Variants in COLEC12 observed in about 807,000 individuals in gnomAD.
COLEC12 encodes collectin subfamily member 12.
Under a neutral mutation model 71.1 loss-of-function variants are expected in COLEC12, and 33 were observed. The ratio of observed to expected loss-of-function variants is 0.46; its 90% confidence interval spans 0.35 to 0.62. COLEC12 has a LOEUF of 0.62. Among genes scored for constraint, COLEC12 ranks in the 20% least tolerant of loss-of-function variants. COLEC12 has a pLI of 0.00. For missense variants in COLEC12, 765 were observed against 916.1 expected, an observed-to-expected ratio of 0.84 and a Z score of 2.13; for synonymous variants, 350 against 353.0, an observed-to-expected ratio of 0.99 and a Z score of 0.10.
At chr18:378,566 C>T (rs1345988610) in intron 2 of COLEC12, among the ~76,000 whole-genome samples, 2 of 152,146 alleles carry the variant, frequency 1.3e-5, no homozygotes, top group Non-Finnish European at 2.9e-5. Context: ...ACCCAATTCT[C>T]GACCTCCAGG....
intron 5 of COLEC12, among the ~76,000 whole-genome samples, chr18:342,285 CA>C (rs1000160716): frequency 1.1e-4 from 17 of 152,200 alleles, no homozygotes; most frequent in East Asian, 5.8e-4. Flanking sequence ...TGCAAACTCC[CA>C]AAAAATAAGG....
chr18:372,776 T>C (rs1024949176), intron 2 of COLEC12, among the ~76,000 whole-genome samples: 1 of 152,178 alleles, frequency 6.6e-6, no homozygotes, highest in African/African-American at 2.4e-5. Context: ...GAACATTTAG[T>C]AATTCAAGGG....
Position 319,786 on chromosome 18 carries a change from C to T in COLEC12, c.*259G>A, listed in dbSNP as rs1054931857. The T allele has an allele frequency of 2.0e-5, 10 of 493,500 alleles. No individual in the cohort carries two copies. The highest frequency in any genetic ancestry group is 8.2e-5 in the African/African-American group (4 of 48,998). The allele number at this position is 493,500 out of a possible 1,614,324, so 30.6% of individuals were successfully genotyped here. On this transcript the variant is annotated 3_prime_UTR_variant, in exon 10 of 10. Transcript: ENST00000400256. ...GGAAGACATAATTTGTATAATCGCA[C>T]GGTTACTGACGGAGGAGAATCTATG...
chr18:362,169 G>A lies in COLEC12; in HGVS notation c.59-4647C>T, dbSNP rs1914758852. Among the ~76,000 whole-genome samples, 1 of 152,158 alleles carries A rather than the reference G, an allele frequency of 6.6e-6. No individual in the cohort carries two copies. The highest frequency in any genetic ancestry group is 1.9e-4 in the East Asian group (1 of 5,176). On this transcript the variant is annotated intron_variant, in intron 2 of 9. Coordinates refer to ENST00000400256, the MANE Select transcript of COLEC12 (RefSeq NM_130386.3). The surrounding 1 kb of genome is among the most constrained non-coding windows in gnomAD (Gnocchi z 4.6). ...GCATGTGGTATTCGTGCAGATCCAA[G>A]CCCGGACAGCTGTCACTGGTTCACA...
chr18:372,825 G>T (rs556513039), intron 2 of COLEC12, among the ~76,000 whole-genome samples: 1 of 152,354 alleles, frequency 6.6e-6, no homozygotes, highest in Admixed American at 6.5e-5. Context: ...ATTTAACGCT[G>T]TGACACAGGA....
intron 2 of COLEC12, among the ~76,000 whole-genome samples, chr18:358,562 G>A (rs1914677122): frequency 2.0e-5 from 3 of 152,144 alleles, no homozygotes; most frequent in Non-Finnish European, 2.9e-5. Flanking sequence ...ATCTAATGCT[G>A]CCACTGATCT....
At chr18:453,859 T>C (rs1169192439) in intron 2 of COLEC12, among the ~76,000 whole-genome samples, 1 of 151,994 alleles carries the variant, frequency 6.6e-6, no homozygotes, top group Non-Finnish European at 1.5e-5. Context: ...AAAGTCACCC[T>C]TAATCTCACT....
At chr18:473,498 G>C (rs1217742813) in intron 2 of COLEC12, among the ~76,000 whole-genome samples, 1 of 151,898 alleles carries the variant, frequency 6.6e-6, no homozygotes, top group African/African-American at 2.4e-5. Flanking sequence ...CGAGAAGCTG[G>C]GATTACAGGC....
intron 8 of COLEC12, among the ~76,000 whole-genome samples, chr18:322,143 G>A (rs1430017652): frequency 7.0e-6 from 1 of 142,298 alleles, no homozygotes. Flanking sequence ...CTGACTTCTG[G>A]GCATGAGTGT....
chr18:322,871 G>A (rs925789411), intron 8 of COLEC12, among the ~76,000 whole-genome samples: 3 of 152,066 alleles, frequency 2.0e-5, no homozygotes, highest in Non-Finnish European at 4.4e-5. Flanking sequence ...TTAGTCAAAG[G>A]GTGGGGACAG....
intron 2 of COLEC12, among the ~76,000 whole-genome samples, chr18:479,368 A>G (rs938051555): frequency 2.6e-5 from 4 of 152,200 alleles, no homozygotes; most frequent in African/African-American, 9.7e-5. Flanking sequence ...CCTATTTTAA[A>G]GTCATATGTT....
intron 2 of COLEC12, among the ~76,000 whole-genome samples, chr18:374,200 C>T (rs1166007896): frequency 1.3e-5 from 2 of 152,196 alleles, no homozygotes; most frequent in South Asian, 2.1e-4. Context: ...CAGTACACCT[C>T]GATGTCCTCA....
At chr18:412,078 A>G (rs62087998) in intron 2 of COLEC12, among the ~76,000 whole-genome samples, 35,827 of 152,174 alleles carry the variant, frequency 0.24, 5,309 homozygotes, top group South Asian at 0.47. Context: ...CACTTCCCAA[A>G]TTTGGCAAGA....
At chr18:350,727 A>C (rs1598334818) in intron 3 of COLEC12, among the ~76,000 whole-genome samples, 1 of 152,082 alleles carries the variant, frequency 6.6e-6, no homozygotes, top group Non-Finnish European at 1.5e-5. Flanking sequence ...CAGGAGTTCA[A>C]GACCAGCCTG....
chr18:344,830 A>G (rs1427865194), intron 5 of COLEC12, among the ~76,000 whole-genome samples: 1 of 152,202 alleles, frequency 6.6e-6, no homozygotes, highest in East Asian at 1.9e-4. Context: ...GCCTCTCTAG[A>G]TCATTGTGGA....
rs1401543900 is a variant in COLEC12 at position 480,283 on chromosome 18, T to A, written c.58+424A>T. ...ACAGAGCCCCTGTGTCCAGGCAGAT[T>A]CTTGGAAGAAGTCTCCCTCTCACTC... On this transcript the variant is annotated intron_variant, in intron 2 of 9. Transcript: ENST00000400256. The surrounding 1 kb of genome is among the most constrained non-coding windows in gnomAD (Gnocchi z 4.1). 6.6e-6 allele frequency among the ~76,000 whole-genome samples: 1 copy of A among 152,238 alleles called. No individual in the cohort carries two copies. Among genetic ancestry groups the A allele is most frequent in the Non-Finnish European group, 1.5e-5 (1 of 68,042 alleles).
At chr18:324,907 C>T (rs567997744) in intron 8 of COLEC12, among the ~76,000 whole-genome samples, 38 of 152,050 alleles carry the variant, frequency 2.5e-4, no homozygotes, top group African/African-American at 9.2e-4. Context: ...TCTTCTAATT[C>T]AGCCTAGCGC....
chr18:495,571 C>T (rs1917695826), intron 1 of COLEC12, among the ~76,000 whole-genome samples: 1 of 152,234 alleles, frequency 6.6e-6, no homozygotes, highest in African/African-American at 2.4e-5. Flanking sequence ...ATCTTTGCAA[C>T]AGCTCCAGTT....
At chr18:457,362 A>G (rs1598370665) in intron 2 of COLEC12, among the ~76,000 whole-genome samples, 1 of 152,226 alleles carries the variant, frequency 6.6e-6, no homozygotes, top group East Asian at 1.9e-4. Flanking sequence ...GAAACAGATC[A>G]GCACACTCTG....
Sources: allele counts gnomAD v4.1 joint callset (sites outside exome capture counted in the v4.1 genomes callset), GRCh38; gene constraint gnomAD v4.1.1; non-coding constraint Gnocchi (gnomAD v3.1); transcripts MANE v1.5; gene names NCBI Gene and HGNC (gene_info 2026-07-23, HGNC 2026-07-21).